The following TNIP1 variants were observed in gnomAD, a reference collection of about 807,000 sequenced individuals.
TNIP1 encodes the protein TNFAIP3 interacting protein 1.
A neutral mutation model predicts 86.6 loss-of-function variants in TNIP1; 22 were observed. The ratio of observed to expected loss-of-function variants is 0.25; its 90% confidence interval spans 0.18 to 0.36. The LOEUF is 0.36. Among genes scored for constraint, TNIP1 ranks in the 10% least tolerant of loss-of-function variants. The pLI is 1.00. For synonymous variants in TNIP1, 294 were observed against 313.0 expected (o/e 0.94, Z 0.64); for missense variants, 709 against 820.6 (o/e 0.86, Z 1.66).
At chr5:151,059,308 G>A in intron 5 of TNIP1, among the ~76,000 whole-genome samples, 1 of 152,254 alleles carries the variant, frequency 6.6e-6, no homozygotes, top group East Asian at 1.9e-4. Context: ...CAAGGGGACA[G>A]AAGGTTCCAG....
rs201722044 is a variant in TNIP1 at position 151,039,207 on chromosome 5, T to C, written c.1153A>G (p.Thr385Ala). Reference protein sequence around the residue: ...EMEETDKEQLTAEAKELRQKV... With the variant: ...EMEETDKEQLAAEAKELRQKV... ...TGGCGCAGCTCCTTGGCCTCTGCTGTCAGCTGCTCCTTGTCGGTCTGCAGG... is the reference window on the plus strand; with the variant it reads ...TGGCGCAGCTCCTTGGCCTCTGCTGCCAGCTGCTCCTTGTCGGTCTGCAGG... Residue 385 changes from threonine to alanine, a missense_variant, in exon 12 of 18, where the codon ACA becomes GCA. By Grantham distance (58) the Thr-to-Ala change is moderately conservative. Transcript: ENST00000521591. 1.0e-4 allele frequency: 169 copies of C among 1,613,324 alleles called. 1 individual carries two copies. The South Asian group carries it at 1.4e-3, about 13-fold the overall frequency.
At chr5:151,038,729 G>C (rs982041654) in intron 12 of TNIP1, among the ~76,000 whole-genome samples, 4 of 152,166 alleles carry the variant, frequency 2.6e-5, no homozygotes, top group Non-Finnish European at 5.9e-5. Context: ...AAGTGATGAC[G>C]AGCCATGAGA....
In TNIP1 at chr5:151,062,175, A is replaced by C; in HGVS notation, c.309T>G (p.Pro103=). Residue 103 remains proline, a synonymous_variant, in exon 4 of 18, where the codon CCT becomes CCG. Transcript: ENST00000521591. ...DSNVTASPTA[P]ACPSDKPAPV... ...GTGCTGGCTTGTCACTGGGGCATGC[A>C]GGGGCTGTGGGAGATGCTGTGACAT... 6.2e-7 allele frequency: 1 copy of C among 1,614,168 alleles called. No individual in the cohort carries two copies. Among genetic ancestry groups the C allele is most frequent in the Non-Finnish European group, 8.5e-7 (1 of 1,180,010 alleles).
intron 1 of TNIP1, among the ~76,000 whole-genome samples, chr5:151,065,857 T>A (rs1215152846): frequency 6.6e-6 from 1 of 152,212 alleles, no homozygotes; most frequent in Non-Finnish European, 1.5e-5. Context: ...ACAGAAGAAT[T>A]TTTCATCAAA....
At chr5:151,032,235 A>G in intron 17 of TNIP1, 52 bp downstream of exon 17, 2 of 1,476,014 alleles carry the variant, frequency 1.4e-6, no homozygotes, top group Non-Finnish European at 1.9e-6. Context: ...ATGCTGGCAG[A>G]TAAGATATTA....
At chr5:151,042,719 C>T in intron 10 of TNIP1, 48 bp from the exon 11 acceptor site, 1 of 1,609,780 alleles carries the variant, frequency 6.2e-7, no homozygotes, top group South Asian at 1.1e-5. Context: ...ATGTAGAGCA[C>T]TTGCAGGATG....
intron 1 of TNIP1, among the ~76,000 whole-genome samples, chr5:151,071,335 G>C (rs76189950): frequency 6.6e-6 from 1 of 152,062 alleles, no homozygotes; most frequent in Non-Finnish European, 1.5e-5. Flanking sequence ...AACAGCTGGG[G>C]CGCCAGAACT....
chr5:151,040,392 A>C (rs1758264090), intron 11 of TNIP1, among the ~76,000 whole-genome samples: 1 of 152,232 alleles, frequency 6.6e-6, no homozygotes, highest in Non-Finnish European at 1.5e-5. Flanking sequence ...ACCTTTAGTC[A>C]GTACGGACTG....
chr5:151,063,230 T>C (rs968355624), intron 3 of TNIP1, among the ~76,000 whole-genome samples: 4 of 152,136 alleles, frequency 2.6e-5, no homozygotes, highest in Admixed American at 6.5e-5. Flanking sequence ...TTCCAACTCA[T>C]ATGCCAGCTC....
chr5:151,081,942 T>G (rs562166443), upstream of TNIP1, among the ~76,000 whole-genome samples: 1 of 152,334 alleles, frequency 6.6e-6, no homozygotes, highest in African/African-American at 2.4e-5. Context: ...TTCCAAAAAG[T>G]GGAAGGTCTA....
upstream of TNIP1, among the ~76,000 whole-genome samples, chr5:151,081,729 A>G (rs555134538): frequency 7.9e-5 from 12 of 152,310 alleles, no homozygotes; most frequent in African/African-American, 2.9e-4. Context: ...AGATGACCTC[A>G]GTAAGGGGCT....
At chr5:151,063,840 G>C in intron 2 of TNIP1, 93 bp from the exon 3 acceptor site, 1 of 1,497,168 alleles carries the variant, frequency 6.7e-7, no homozygotes, top group Non-Finnish European at 9.0e-7. Context: ...CTGCCGCCTG[G>C]CTTCTGAGGC....
intron 14 of TNIP1, 31 bp from the exon 15 acceptor site, chr5:151,035,098 T>C (rs756590465): frequency 4.4e-6 from 7 of 1,607,418 alleles, no homozygotes; most frequent in Non-Finnish European, 5.1e-6. Context: ...GAAAAGACTG[T>C]CGGCACAGGT....
chr5:151,049,116 G>C (rs1465815583), intron 8 of TNIP1, among the ~76,000 whole-genome samples: 1 of 152,188 alleles, frequency 6.6e-6, no homozygotes, highest in Non-Finnish European at 1.5e-5. Context: ...CATAGGTGTA[G>C]GGTGGGTTAA....
At chr5:151,063,824 A>T (rs1297370833) in intron 2 of TNIP1, 77 bp from the exon 3 acceptor site, 1 of 1,554,698 alleles carries the variant, frequency 6.4e-7, no homozygotes, top group Admixed American at 1.8e-5. Flanking sequence ...CAGGCCCCTA[A>T]CCGTGCTGCC....
rs1288476066 is a variant in TNIP1, at chr5:151,035,054, T to G, written c.1535A>C (p.Lys512Thr). The G allele has an allele frequency of 3.1e-6, 5 of 1,613,942 alleles. No homozygotes were observed. Among genetic ancestry groups the G allele is most frequent in the Non-Finnish European group, 4.2e-6 (5 of 1,179,936 alleles). Residue 512 changes from lysine (K) to threonine (T), a missense_variant, in exon 15 of 18, where the codon AAA (lysine) becomes ACA (threonine). Physicochemically the swap from Lys to Thr is moderately conservative, Grantham distance 78. Coordinates refer to ENST00000521591, the MANE Select transcript of TNIP1 (RefSeq NM_006058.5). The part of the protein sequence containing the change: ...TLSNAQLKAF[K>T]DEEKAREALR... ...GGCTTCTCTTGCCTTCTCCTCATCT[T>G]TGAATGCTTTTAGCTGAGAGAAGAA...
intron 1 of TNIP1, among the ~76,000 whole-genome samples, chr5:151,076,666 C>A (rs187671805): frequency 6.6e-6 from 1 of 152,270 alleles, no homozygotes; most frequent in East Asian, 1.9e-4. Context: ...TCTCCCCCTC[C>A]CTCACAGTGG....
At position 151,036,860 on chromosome 5, in the gene TNIP1, C is replaced by G. The variant is rs1371261117; in HGVS notation, c.1325G>C (p.Ser442Thr). 1 of 1,613,540 alleles carries G rather than the reference C, an allele frequency of 6.2e-7. No homozygotes were observed. The highest frequency in any genetic ancestry group is 8.5e-7 in the Non-Finnish European group (1 of 1,179,690). The change falls in exon 13 of 18, where the codon AGC becomes ACC. Residue 442 changes from serine to threonine, a missense_variant. By Grantham distance (58) the Ser-to-Thr change is moderately conservative (BLOSUM62 1). Coordinates refer to ENST00000521591, the MANE Select transcript of TNIP1 (RefSeq NM_006058.5). ...PPSSPPTAFG[S>T]PEGAGALLRK... ...TAGGAGGGCCCCTGCTCCTTCTGGGCTCCCAAATGCTGTTGGTGGAGATGA... is the reference window on the plus strand; with the variant it reads ...TAGGAGGGCCCCTGCTCCTTCTGGGGTCCCAAATGCTGTTGGTGGAGATGA...
At chr5:151,072,078 C>G (rs941348164) in intron 1 of TNIP1, among the ~76,000 whole-genome samples, 2 of 152,220 alleles carry the variant, frequency 1.3e-5, no homozygotes, top group Admixed American at 6.5e-5. Context: ...AGGAAGCAGA[C>G]TCAGAGAAGT....
Sources: allele counts gnomAD v4.1 joint callset (sites outside exome capture counted in the v4.1 genomes callset), GRCh38; gene constraint gnomAD v4.1.1; transcripts MANE v1.5; gene names NCBI Gene and HGNC (gene_info 2026-07-23, HGNC 2026-07-21).